The following EFCAB13 variants were observed in gnomAD, a reference collection of about 807,000 sequenced individuals.
EFCAB13 encodes EF-hand calcium-binding domain-containing protein 13.
Under a neutral mutation model 110.2 loss-of-function variants are expected in EFCAB13, and 91 were observed. That is an observed-to-expected ratio of 0.83 (90% CI 0.70 to 0.98). EFCAB13 has a LOEUF of 0.98. Ranked by LOEUF, EFCAB13 falls within the 50% of genes least tolerant of loss-of-function variation. EFCAB13 has a pLI of 0.00. For missense variants in EFCAB13, 968 were observed against 1,119.4 expected, an observed-to-expected ratio of 0.86 and a Z score of 1.93; for synonymous variants, 323 against 369.9, an observed-to-expected ratio of 0.87 and a Z score of 1.45.
intron 4 of EFCAB13, chr17:47,329,701 T>C (rs2065308743): frequency 6.6e-6 from 1 of 152,174 alleles, no homozygotes; most frequent in Non-Finnish European, 1.5e-5. Flanking sequence ...TTTCTTCTTC[T>C]GTGTCAAAAG....
intron 10 of EFCAB13, among the ~76,000 whole-genome samples, chr17:47,363,753 G>C (rs1022847785): frequency 2.0e-5 from 3 of 152,150 alleles, no homozygotes; most frequent in Non-Finnish European, 4.4e-5. Flanking sequence ...ACATCTTTTT[G>C]AGTGGGCTTC....
intron 23 of EFCAB13, among the ~76,000 whole-genome samples, chr17:47,420,229 G>A (rs1287239467): frequency 7.2e-5 from 11 of 152,174 alleles, no homozygotes; most frequent in African/African-American, 2.7e-4. Context: ...GGTTGCAGAC[G>A]GAGTCTGGTT....
intron 24 of EFCAB13, among the ~76,000 whole-genome samples, chr17:47,438,877 T>C (rs1166170944): frequency 6.6e-6 from 1 of 152,132 alleles, no homozygotes; most frequent in African/African-American, 2.4e-5. Context: ...TACTATTCAC[T>C]TTCAGAATCT....
rs939904221 is a variant in EFCAB13, at chr17:47,412,893, C to A, written c.2399C>A (p.Ala800Asp). The change falls in exon 22 of 25, where the codon GCC becomes GAC. Residue 800 changes from alanine to aspartate, a missense_variant. By Grantham distance (126) the Ala-to-Asp change is moderately radical. Coordinates refer to ENST00000331493, the MANE Select transcript of EFCAB13 (RefSeq NM_152347.5). ...TTAACTGAGGAGGACTTCAATGAAGCCCTTAACTGTTGTAACGTCAGTGGT... is the reference window on the plus strand; with the variant it reads ...TTAACTGAGGAGGACTTCAATGAAGACCTTAACTGTTGTAACGTCAGTGGT... Reference protein sequence around the residue: ...VNLTEEDFNEALNCCNVSDNM... With the variant: ...VNLTEEDFNEDLNCCNVSDNM... 1 of 1,613,368 alleles carries A rather than the reference C, an allele frequency of 6.2e-7. No individual in the cohort carries two copies. Among genetic ancestry groups the A allele is most frequent in the Non-Finnish European group, 8.5e-7 (1 of 1,179,636 alleles).
At chr17:47,351,317 G>GCACGCGCA (rs1555578791) in intron 9 of EFCAB13, among the ~76,000 whole-genome samples, 1 of 113,916 alleles carries the variant, frequency 8.8e-6, no homozygotes, top group Non-Finnish European at 1.9e-5. Flanking sequence ...GCGCGCGCGC[G>GCACGCGCA]CGCGCGCGCG....
At chr17:47,406,277 AATTTTTGT>A (rs1406290472) in intron 20 of EFCAB13, among the ~76,000 whole-genome samples, 1 of 151,936 alleles carries the variant, frequency 6.6e-6, no homozygotes, top group Non-Finnish European at 1.5e-5. Flanking sequence ...ATGCCTGGCT[AATTTTTGT>A]ATTTTTAGTA....
chr17:47,432,443 T>TAAA (rs35785822), intron 24 of EFCAB13, among the ~76,000 whole-genome samples: 41 of 150,930 alleles, frequency 2.7e-4, no homozygotes, highest in African/African-American at 3.9e-4. Flanking sequence ...AATAAATAAA[T>TAAA]TAGCTCGGTG....
intron 23 of EFCAB13, among the ~76,000 whole-genome samples, chr17:47,420,507 C>G (rs1008038758): frequency 1.9e-4 from 29 of 151,158 alleles, no homozygotes; most frequent in Non-Finnish European, 2.7e-4. Flanking sequence ...GTGAGGAGCG[C>G]CTCTTCCCGG....
rs369574599 is a variant in EFCAB13 at position 47,344,996 on chromosome 17, T to C, written c.435-20T>C. 2.3e-5 allele frequency: 37 copies of C among 1,581,318 alleles called. No homozygotes were observed. Among genetic ancestry groups the C allele is most frequent in the Non-Finnish European group, 3.0e-5 (35 of 1,156,818 alleles). ...GCATATTTTCATTGCCACTTTCTAATATGGCTGTTTCTTTGACAGGGAAAA... is the reference window on the plus strand; with the variant it reads ...GCATATTTTCATTGCCACTTTCTAACATGGCTGTTTCTTTGACAGGGAAAA... On this transcript the variant is annotated intron_variant, in intron 7 of 24. Coordinates refer to ENST00000331493, the MANE Select transcript of EFCAB13 (RefSeq NM_152347.5).
At chr17:47,395,109 T>C (rs2065729887) in intron 16 of EFCAB13, among the ~76,000 whole-genome samples, 1 of 152,174 alleles carries the variant, frequency 6.6e-6, no homozygotes, top group Non-Finnish European at 1.5e-5. Flanking sequence ...ATCTTATCTA[T>C]ATATACCTAA....
intron 23 of EFCAB13, among the ~76,000 whole-genome samples, chr17:47,423,091 T>G (rs1338128661): frequency 6.6e-6 from 1 of 152,204 alleles, no homozygotes; most frequent in Admixed American, 6.5e-5. Flanking sequence ...AAAGTTAATC[T>G]TGGTGCCTTC....
chr17:47,391,691 TAAAC>T (rs1417715301), intron 15 of EFCAB13, 111 bp downstream of exon 15: 23 of 952,058 alleles, frequency 2.4e-5, no homozygotes, highest in South Asian at 6.0e-5. Context: ...AAGTTAAAAT[TAAAC>T]TAATACAAAA....
chr17:47,338,022 G>T (rs186780536), intron 5 of EFCAB13, among the ~76,000 whole-genome samples: 1 of 152,128 alleles, frequency 6.6e-6, no homozygotes, highest in African/African-American at 2.4e-5. Flanking sequence ...ATTTAAAGAG[G>T]TCTTGCATTC....
rs1476488936 is a variant in EFCAB13 at position 47,431,301 on chromosome 17, C to CT, written c.2638+1348dup. ...ATTTTTTCTTTGTTTTTTTTTAACT[C>CT]TTTTTTTTCCTTTTTTCAGTCAGCT... is the stretch of plus-strand genomic sequence containing the variant. On this transcript the variant is annotated intron_variant, in intron 24 of 24. Coordinates refer to ENST00000331493, the MANE Select transcript of EFCAB13 (RefSeq NM_152347.5). This position sits in a 1 kb window ranked among gnomAD's most constrained non-coding sequence, Gnocchi z 4.1. Among the ~76,000 whole-genome samples, 1 of 150,842 alleles carries CT rather than the reference C, an allele frequency of 6.6e-6. No individual in the cohort carries two copies. Among genetic ancestry groups the CT allele is most frequent in the Non-Finnish European group, 1.5e-5 (1 of 67,698 alleles).
chr17:47,351,731 A>T (rs1279323541), intron 9 of EFCAB13, among the ~76,000 whole-genome samples: 3 of 151,810 alleles, frequency 2.0e-5, no homozygotes, highest in African/African-American at 7.3e-5. Flanking sequence ...CCTATTCTTC[A>T]AGTTGTCTGT....
At chr17:47,362,124 G>A (rs1040216669) in intron 10 of EFCAB13, among the ~76,000 whole-genome samples, 2 of 151,972 alleles carry the variant, frequency 1.3e-5, no homozygotes, top group African/African-American at 2.4e-5. Flanking sequence ...AGCTGTTCCA[G>A]TATAATAAAA....
At chr17:47,428,039 G>A (rs1310778457) in intron 23 of EFCAB13, among the ~76,000 whole-genome samples, 1 of 151,620 alleles carries the variant, frequency 6.6e-6, no homozygotes, top group African/African-American at 2.4e-5. Context: ...CCTACTGACC[G>A]GTTGTATGAT....
At chr17:47,417,172 A>C (rs1276662227) in intron 23 of EFCAB13, among the ~76,000 whole-genome samples, 1 of 152,246 alleles carries the variant, frequency 6.6e-6, no homozygotes, top group Non-Finnish European at 1.5e-5. Flanking sequence ...TTGACTCTTC[A>C]TTAAGTGTAA....
intron 10 of EFCAB13, chr17:47,369,532 T>G (rs2065569797): frequency 6.6e-6 from 1 of 152,666 alleles, no homozygotes; most frequent in South Asian, 2.1e-4. Flanking sequence ...TATCAAACAT[T>G]CAACTTTTTA....
Sources: allele counts gnomAD v4.1 joint callset (sites outside exome capture counted in the v4.1 genomes callset), GRCh38; gene constraint gnomAD v4.1.1; non-coding constraint Gnocchi (gnomAD v3.1); transcripts MANE v1.5; gene names NCBI Gene and HGNC (gene_info 2026-07-23, HGNC 2026-07-21).